The following DLG2 variants were observed in gnomAD, a reference collection of about 807,000 sequenced individuals.
DLG2 encodes the protein discs large MAGUK scaffold protein 2.
A neutral mutation model predicts 132.5 loss-of-function variants in DLG2; 45 were observed. That is an observed-to-expected ratio of 0.34 (90% CI 0.27 to 0.44). The LOEUF (loss-of-function observed/expected upper bound fraction) is 0.44, where lower values mean the gene tolerates loss of function less well. Ranked by LOEUF, DLG2 falls within the 20% of genes least tolerant of loss-of-function variation. The pLI is 1.00. For missense variants in DLG2, 1,045 were observed against 1,196.9 expected, an observed-to-expected ratio of 0.87 and a Z score of 1.87; for synonymous variants, 424 against 419.6, an observed-to-expected ratio of 1.01 and a Z score of -0.13.
intron 6 of DLG2, among the ~76,000 whole-genome samples, chr11:84,685,260 A>T (rs116091205): frequency 6.6e-6 from 1 of 152,220 alleles, no homozygotes; most frequent in Admixed American, 6.5e-5. Context: ...TGGCCTTTCC[A>T]TATTTGTGTC....
intron 19 of DLG2, among the ~76,000 whole-genome samples, chr11:83,627,084 A>G (rs1203508406): frequency 2.0e-5 from 3 of 152,194 alleles, no homozygotes; most frequent in Non-Finnish European, 4.4e-5. Context: ...GTGGCTTCAT[A>G]GTAAATGATG....
At chr11:83,998,478 C>T (rs1283416584) in intron 11 of DLG2, among the ~76,000 whole-genome samples, 1 of 151,970 alleles carries the variant, frequency 6.6e-6, no homozygotes, top group Non-Finnish European at 1.5e-5. Flanking sequence ...ACACAAAATA[C>T]CTAAAGCAAA....
intron 9 of DLG2, among the ~76,000 whole-genome samples, chr11:84,137,621 T>C (rs951844816): frequency 2.0e-5 from 3 of 152,296 alleles, no homozygotes; most frequent in African/African-American, 2.4e-5. Context: ...TGAAAAGACC[T>C]GCTCTATATG....
intron 3 of DLG2, among the ~76,000 whole-genome samples, chr11:85,502,350 G>A (rs557618373): frequency 3.3e-5 from 5 of 151,754 alleles, no homozygotes; most frequent in Non-Finnish European, 5.9e-5. Flanking sequence ...AAACCACCAC[G>A]ACACGACACG....
At chr11:84,685,709 A>G (rs1332118539) in intron 6 of DLG2, among the ~76,000 whole-genome samples, 1 of 151,498 alleles carries the variant, frequency 6.6e-6, no homozygotes, top group Non-Finnish European at 1.5e-5. Context: ...TATTTTCTGT[A>G]TCCTTTTTTT....
chr11:83,583,862 T>A (rs565890771), intron 19 of DLG2, among the ~76,000 whole-genome samples: 1 of 152,346 alleles, frequency 6.6e-6, no homozygotes, highest in Admixed American at 6.5e-5. Context: ...AACAGAAATA[T>A]GTTTGTAGTG....
In DLG2 at chr11:83,803,079, A is replaced by T. The variant is rs148064330; in HGVS notation, c.1723-16287T>A. On this transcript the variant is annotated intron_variant, in intron 17 of 27. Transcript: ENST00000376104. ...AAAAGGCAAAAGGGGTTATGTAGGCAAATTTAAAATATGATAATATTTATA... is the reference window on the plus strand; with the variant it reads ...AAAAGGCAAAAGGGGTTATGTAGGCTAATTTAAAATATGATAATATTTATA... Among the ~76,000 whole-genome samples the T allele has an allele frequency of 4.2e-3, 643 of 152,298 alleles. 8 individuals are homozygous for T. Among genetic ancestry groups the T allele is most frequent in the African/African-American group, 0.015 (622 of 41,570 alleles).
intron 18 of DLG2, among the ~76,000 whole-genome samples, chr11:83,752,687 G>A (rs1201181655): frequency 6.6e-6 from 1 of 152,110 alleles, no homozygotes; most frequent in African/African-American, 2.4e-5. Context: ...GTTTTAAGAT[G>A]GGAGAAATAG....
intron 6 of DLG2, among the ~76,000 whole-genome samples, chr11:84,628,369 G>A (rs1268927953): frequency 6.6e-6 from 1 of 152,116 alleles, no homozygotes; most frequent in African/African-American, 2.4e-5. Context: ...TACTGGCAAT[G>A]CAAAAATCAA....
chr11:84,036,334 C>A (rs2095862312), intron 11 of DLG2, among the ~76,000 whole-genome samples: 1 of 152,162 alleles, frequency 6.6e-6, no homozygotes. Context: ...CCCAGAATAG[C>A]TGATATCCTT....
chr11:84,378,150 A>T (rs1399035411), intron 7 of DLG2, among the ~76,000 whole-genome samples: 1 of 152,170 alleles, frequency 6.6e-6, no homozygotes, highest in African/African-American at 2.4e-5. Context: ...CTAAGAAAGT[A>T]ATTAGGATTA....
chr11:84,983,037 CT>C (rs947524542), intron 6 of DLG2, among the ~76,000 whole-genome samples: 1 of 152,124 alleles, frequency 6.6e-6, no homozygotes, highest in Non-Finnish European at 1.5e-5. Context: ...CACCCTCATC[CT>C]TTTTATTCAA....
At chr11:84,986,618 G>A (rs948319670) in intron 6 of DLG2, among the ~76,000 whole-genome samples, 11 of 150,904 alleles carry the variant, frequency 7.3e-5, no homozygotes, top group Non-Finnish European at 1.2e-4. Context: ...GGATGGTTAC[G>A]TCCAATGTGA....
intron 6 of DLG2, among the ~76,000 whole-genome samples, chr11:84,952,306 G>A (rs965222607): frequency 6.6e-6 from 1 of 152,184 alleles, no homozygotes; most frequent in Non-Finnish European, 1.5e-5. Context: ...AGCACTTTGG[G>A]AGGCCGAGGT....
At chr11:84,360,298 G>A (rs755604197) in intron 7 of DLG2, among the ~76,000 whole-genome samples, 1 of 151,708 alleles carries the variant, frequency 6.6e-6, no homozygotes, top group Non-Finnish European at 1.5e-5. Flanking sequence ...ACAATCAAGG[G>A]AATAGAAAAG....
chr11:85,251,122 T>TG (rs112233116), intron 4 of DLG2, among the ~76,000 whole-genome samples: 1,718 of 152,272 alleles, frequency 0.011, 46 homozygotes, highest in African/African-American at 0.039. Context: ...TCACCCACTG[T>TG]GGGAAAGCCA....
intron 17 of DLG2, among the ~76,000 whole-genome samples, chr11:83,819,747 A>G (rs1594901817): frequency 6.6e-6 from 1 of 152,030 alleles, no homozygotes; most frequent in South Asian, 2.1e-4. Context: ...CAAGAAATCA[A>G]ATTATAAGGA....
chr11:85,460,780 T>C (rs1027106192), intron 3 of DLG2, among the ~76,000 whole-genome samples: 2 of 152,242 alleles, frequency 1.3e-5, no homozygotes, highest in African/African-American at 4.8e-5. Flanking sequence ...CTCTAGTATC[T>C]TGATCTTTGT....
intron 3 of DLG2, among the ~76,000 whole-genome samples, chr11:85,326,376 G>T (rs1219737919): frequency 7.6e-6 from 1 of 130,858 alleles, no homozygotes; most frequent in Non-Finnish European, 1.6e-5. Flanking sequence ...CAGAGAGAAA[G>T]GTCGGGTTAC....
Sources: gnomAD v4.1 joint callset for allele counts (sites outside exome capture counted in the v4.1 genomes callset) on GRCh38, gnomAD v4.1.1 for gene constraint, MANE v1.5 for transcripts, NCBI Gene and HGNC (gene_info 2026-07-23, HGNC 2026-07-21) for gene names.